NAALADL2: variants seen among roughly 807,000 people sequenced by gnomAD.
NAALADL2 encodes the protein N-acetylated alpha-linked acidic dipeptidase like 2.
Under a neutral mutation model 87.2 loss-of-function variants are expected in NAALADL2, and 76 were observed. That is an observed-to-expected ratio of 0.87 (90% CI 0.72 to 1.05). The LOEUF (loss-of-function observed/expected upper bound fraction) is 1.05, where lower values mean the gene tolerates loss of function less well. Among genes scored for constraint, NAALADL2 ranks in the 50% least tolerant of loss-of-function variants. The pLI, the probability that NAALADL2 is intolerant of heterozygous loss-of-function variation, is 0.00. For synonymous variants in NAALADL2, 354 were observed against 331.0 expected (o/e 1.07, Z -0.75); for missense variants, 1,089 against 945.8 (o/e 1.15, Z -1.99).
At chr3:175,310,973 A>G (rs1489886571) in intron 4 of NAALADL2, among the ~76,000 whole-genome samples, 2 of 150,428 alleles carry the variant, frequency 1.3e-5, no homozygotes, top group African/African-American at 4.9e-5. Flanking sequence ...TTAACAATAT[A>G]TTTACTAATA....
chr3:175,401,778 T>C (rs1015274381), intron 5 of NAALADL2, among the ~76,000 whole-genome samples: 1 of 152,154 alleles, frequency 6.6e-6, no homozygotes, highest in East Asian at 1.9e-4. Flanking sequence ...GTATTTATTA[T>C]ATGTATACCT....
intron 1 of NAALADL2, among the ~76,000 whole-genome samples, chr3:175,082,234 A>G (rs1412414370): frequency 6.6e-6 from 1 of 152,220 alleles, no homozygotes; most frequent in African/African-American, 2.4e-5. Context: ...TCTACTAATA[A>G]TGACATCTTT....
intron 1 of NAALADL2, among the ~76,000 whole-genome samples, chr3:174,945,681 T>C (rs1174297826): frequency 6.6e-6 from 1 of 152,154 alleles, no homozygotes; most frequent in Non-Finnish European, 1.5e-5. Flanking sequence ...ATTCCTAGAA[T>C]TTGTGGCCTA....
At chr3:175,158,587 G>A (rs1732672192) in intron 2 of NAALADL2, among the ~76,000 whole-genome samples, 1 of 152,024 alleles carries the variant, frequency 6.6e-6, no homozygotes, top group Non-Finnish European at 1.5e-5. Flanking sequence ...AAAAAATAGG[G>A]ATGATATATT....
rs574622880 is a variant in NAALADL2 at position 174,687,656 on chromosome 3, T to G, written c.-114-49985T>G. On this transcript the variant is annotated intron_variant, in intron 2 of 3. Coordinates refer to the NAALADL2 transcript ENST00000434257. ...ATGGGTTTTGAGTGTTTATTACCTT[T>G]GTTTCTAATACAATTTCTTTAATTT... Among the ~76,000 whole-genome samples the G allele has an allele frequency of 3.0e-4, 46 of 152,258 alleles. No individual in the cohort carries two copies. The South Asian group carries it at 9.3e-3, about 31-fold the overall frequency.
intron 1 of NAALADL2, among the ~76,000 whole-genome samples, chr3:174,447,645 G>A (rs1340878106): frequency 6.6e-6 from 1 of 151,822 alleles, no homozygotes; most frequent in Non-Finnish European, 1.5e-5. Flanking sequence ...GTGAAACCTC[G>A]TCTCTACTAA....
chr3:174,997,698 C>G (rs1377355912), intron 1 of NAALADL2, among the ~76,000 whole-genome samples: 1 of 151,916 alleles, frequency 6.6e-6, no homozygotes, highest in Admixed American at 6.6e-5. Context: ...CACGTATAAT[C>G]CTAGTTACTT....
chr3:175,378,035 G>A (rs528426018), intron 5 of NAALADL2, among the ~76,000 whole-genome samples: 30 of 152,284 alleles, frequency 2.0e-4, no homozygotes, highest in Middle Eastern at 6.8e-3. Context: ...GCAGATAAAA[G>A]AGGGCCCTCT....
intron 8 of NAALADL2, among the ~76,000 whole-genome samples, chr3:175,469,072 G>A (rs1221128607): frequency 6.6e-6 from 1 of 151,910 alleles, no homozygotes; most frequent in Non-Finnish European, 1.5e-5. Context: ...GTTTATATAT[G>A]TATTTACATT....
intron 2 of NAALADL2, among the ~76,000 whole-genome samples, chr3:174,658,297 C>G (rs551578): frequency 1.3e-5 from 2 of 152,040 alleles, no homozygotes; most frequent in South Asian, 2.1e-4. Context: ...GCCAGTGTTA[C>G]GCATTTTCAT....
At chr3:175,093,429 T>TAAAA (rs57170982) in intron 1 of NAALADL2, among the ~76,000 whole-genome samples, 10 of 146,112 alleles carry the variant, frequency 6.8e-5, no homozygotes, top group African/African-American at 2.0e-4. Context: ...TATATATATA[T>TAAAA]ATATGTTTTA....
intron 11 of NAALADL2, among the ~76,000 whole-genome samples, chr3:175,682,322 GTAGA>G (rs1020834515): frequency 6.6e-6 from 1 of 151,860 alleles, no homozygotes; most frequent in African/African-American, 2.4e-5. Context: ...TAGATTAAAA[GTAGA>G]TAGAAAAAAT....
Position 175,216,147 on chromosome 3 carries a change from T to C in NAALADL2, c.546-17784T>C, listed in dbSNP as rs1742482766. 2.6e-5 allele frequency among the ~76,000 whole-genome samples: 4 copies of C among 152,174 alleles called. No homozygotes were observed. The South Asian group carries it at 8.3e-4, about 32-fold the overall frequency. ...GATTTGTAAAATTCTTTTGTGATTT[T>C]AGTATGACAAGAAATAGTATAAATG... On this transcript the variant is annotated intron_variant, in intron 2 of 13. Coordinates refer to ENST00000454872, the MANE Select transcript of NAALADL2 (RefSeq NM_207015.3).
In NAALADL2 at chr3:174,889,268, A is replaced by G. The variant is rs576398449; in HGVS notation, c.43+29818A>G. Among the ~76,000 whole-genome samples the G allele has an allele frequency of 6.5e-4, 99 of 152,316 alleles. 1 individual carries two copies. The South Asian group carries it at 0.017, about 26-fold the overall frequency. Reference sequence around the variant, plus strand: ...TGAGTTTTCATTAGGTGACCCAACCATACTTTAAACTGCTGTTAGTCTATT... The same window carrying G: ...TGAGTTTTCATTAGGTGACCCAACCGTACTTTAAACTGCTGTTAGTCTATT... On this transcript the variant is annotated intron_variant, in intron 1 of 13. Coordinates refer to ENST00000454872, the MANE Select transcript of NAALADL2 (RefSeq NM_207015.3).
At chr3:174,748,943 AT>A (rs1457305721) in intron 3 of NAALADL2, among the ~76,000 whole-genome samples, 1 of 152,122 alleles carries the variant, frequency 6.6e-6, no homozygotes, top group East Asian at 1.9e-4. Context: ...TAGCATGCAT[AT>A]TTGTTCTTAA....
intron 2 of NAALADL2, among the ~76,000 whole-genome samples, chr3:175,225,299 A>G (rs890420950): frequency 6.6e-5 from 10 of 152,158 alleles, no homozygotes; most frequent in African/African-American, 1.9e-4. Flanking sequence ...AACTAAAATA[A>G]GTATATAACA....
intron 10 of NAALADL2, among the ~76,000 whole-genome samples, chr3:175,616,307 G>A (rs1006280929): frequency 2.7e-5 from 4 of 148,302 alleles, no homozygotes; most frequent in African/African-American, 9.8e-5. Flanking sequence ...ATAAATAAAT[G>A]TTTAAATAAA....
intron 1 of NAALADL2, among the ~76,000 whole-genome samples, chr3:175,019,555 G>A (rs1261934802): frequency 6.6e-6 from 1 of 151,894 alleles, no homozygotes; most frequent in African/African-American, 2.4e-5. Context: ...GAAACTAATT[G>A]AATCATTAAG....
At chr3:175,058,236 C>G (rs1306462697) in intron 1 of NAALADL2, among the ~76,000 whole-genome samples, 1 of 152,144 alleles carries the variant, frequency 6.6e-6, no homozygotes, top group Non-Finnish European at 1.5e-5. Context: ...CTGGAGTTTT[C>G]TAAATCCAGA....
Sources: allele counts gnomAD v4.1 joint callset (sites outside exome capture counted in the v4.1 genomes callset), GRCh38; gene constraint gnomAD v4.1.1; transcripts MANE v1.5; gene names NCBI Gene and HGNC (gene_info 2026-07-23, HGNC 2026-07-21).